Variants in CTNNA3 observed in about 807,000 individuals in gnomAD.
CTNNA3 encodes catenin alpha 3.
In CTNNA3, 76 loss-of-function variants were observed where a neutral mutation model predicts 95.7. The observed-to-expected ratio is 0.79, with a 90% CI of 0.66 to 0.96. The LOEUF (loss-of-function observed/expected upper bound fraction) is 0.96. CTNNA3 is among the 40% of genes least tolerant of loss of function. The pLI, the probability that CTNNA3 is intolerant of heterozygous loss-of-function variation, is 0.00. For synonymous variants in CTNNA3, 431 were observed against 374.4 expected (o/e 1.15, Z -1.74); for missense variants, 1,191 against 1,089.8 (o/e 1.09, Z -1.31).
intron 1 of CTNNA3, among the ~76,000 whole-genome samples, chr10:67,750,050 G>T (rs769117629): frequency 6.6e-6 from 1 of 152,076 alleles, no homozygotes; most frequent in Non-Finnish European, 1.5e-5. Flanking sequence ...AAGGTCCGCG[G>T]GCTCATTTTG....
At chr10:66,983,436 A>T (rs1428032072) in intron 7 of CTNNA3, among the ~76,000 whole-genome samples, 1 of 152,170 alleles carries the variant, frequency 6.6e-6, no homozygotes, top group African/African-American at 2.4e-5. Flanking sequence ...CAGATGGAGC[A>T]AACAAGGAAA....
At chr10:66,913,253 A>AAAG (rs1221744346) in intron 7 of CTNNA3, among the ~76,000 whole-genome samples, 1 of 149,632 alleles carries the variant, frequency 6.7e-6, no homozygotes, top group South Asian at 2.1e-4. Context: ...AAAAAAAAAA[A>AAAG]AAAAAAAAAA....
rs368211074 is a variant in CTNNA3 at position 67,180,329 on chromosome 10, C to T, written c.1035G>A (p.Glu345=). ...ACCAGTCACCTACGTTGTTCATGTA[C>T]TCTGAAAGCAGATCCTGAAGAGCCT... ...IRQALQDLLS[E]YMNNAGKKER... Residue 345 remains glutamate, a synonymous_variant, in exon 7 of 18, where the codon GAG becomes GAA. Coordinates refer to ENST00000433211, the MANE Select transcript of CTNNA3 (RefSeq NM_013266.4). 13 of 1,613,232 alleles carry T rather than the reference C, an allele frequency of 8.1e-6. No homozygotes were observed. The highest frequency in any genetic ancestry group is 1.6e-4 in the Middle Eastern group (1 of 6,076).
chr10:66,657,217 C>G (rs909801188), intron 9 of CTNNA3, among the ~76,000 whole-genome samples: 8 of 152,044 alleles, frequency 5.3e-5, no homozygotes, highest in Non-Finnish European at 1.2e-4. Context: ...TTTGGCTGCC[C>G]AATTTATTGA....
chr10:66,676,370 A>G (rs1846856740), intron 9 of CTNNA3, among the ~76,000 whole-genome samples: 1 of 152,094 alleles, frequency 6.6e-6, no homozygotes. Flanking sequence ...GCCAGGTGTT[A>G]TGCTAGTTAC....
intron 10 of CTNNA3, among the ~76,000 whole-genome samples, chr10:66,579,797 C>G (rs1160103054): frequency 6.6e-6 from 1 of 151,688 alleles, no homozygotes; most frequent in Non-Finnish European, 1.5e-5. Context: ...CACTTCAAAA[C>G]TATTGTAATT....
chr10:67,554,132 G>A (rs1405050299), intron 3 of CTNNA3, among the ~76,000 whole-genome samples: 1 of 152,156 alleles, frequency 6.6e-6, no homozygotes, highest in Non-Finnish European at 1.5e-5. Context: ...GGGTATATGT[G>A]TCACATTTTC....
At chr10:67,018,913 C>A (rs556274103) in intron 7 of CTNNA3, among the ~76,000 whole-genome samples, 1 of 152,132 alleles carries the variant, frequency 6.6e-6, no homozygotes, top group Admixed American at 6.5e-5. Flanking sequence ...GCTAATCTGG[C>A]AAGTGGGTTA....
At chr10:66,242,560 T>C (rs2090153286) in intron 13 of CTNNA3, among the ~76,000 whole-genome samples, 1 of 152,156 alleles carries the variant, frequency 6.6e-6, no homozygotes, top group Non-Finnish European at 1.5e-5. Context: ...ACCAGGAATA[T>C]GCATATTAAA....
At chr10:67,534,057 G>C (rs1840417410) in intron 4 of CTNNA3, among the ~76,000 whole-genome samples, 1 of 150,812 alleles carries the variant, frequency 6.6e-6, no homozygotes, top group Admixed American at 6.6e-5. Flanking sequence ...AGTGTCAGGA[G>C]GGAAAAAAAA....
chr10:66,452,309 G>A (rs2093469768), intron 11 of CTNNA3, among the ~76,000 whole-genome samples: 2 of 152,086 alleles, frequency 1.3e-5, no homozygotes, highest in African/African-American at 4.8e-5. Context: ...ACCTAGTAAT[G>A]ATAATAAATC....
At chr10:67,693,498 C>T (rs1840908777) in intron 1 of CTNNA3, among the ~76,000 whole-genome samples, 1 of 152,166 alleles carries the variant, frequency 6.6e-6, no homozygotes, top group African/African-American at 2.4e-5. Context: ...ATCTTAATCC[C>T]TTCTATTCCA....
At chr10:66,797,102 C>A (rs1372050287) in intron 7 of CTNNA3, among the ~76,000 whole-genome samples, 1 of 151,134 alleles carries the variant, frequency 6.6e-6, no homozygotes, top group African/African-American at 2.4e-5. Context: ...TACTGAAAAG[C>A]AAAGAGAAGT....
At chr10:67,246,820 C>A (rs1209694115) in intron 5 of CTNNA3, among the ~76,000 whole-genome samples, 1 of 152,088 alleles carries the variant, frequency 6.6e-6, no homozygotes, top group Non-Finnish European at 1.5e-5. Context: ...TCTCTTCAAT[C>A]ACACCTCTTT....
intron 13 of CTNNA3, among the ~76,000 whole-genome samples, chr10:66,111,574 A>T (rs1021081561): frequency 2.6e-5 from 4 of 152,238 alleles, no homozygotes; most frequent in Non-Finnish European, 5.9e-5. Flanking sequence ...GGAATCTTGA[A>T]GGAAATAAAA....
chr10:67,160,429 A>G (rs1861484723), intron 7 of CTNNA3, among the ~76,000 whole-genome samples: 1 of 143,528 alleles, frequency 7.0e-6, no homozygotes, highest in Non-Finnish European at 1.5e-5. Flanking sequence ...CATATTCATC[A>G]CATCTTTTTT....
In CTNNA3 at chr10:66,567,296, G is replaced by C. The variant is rs75394574; in HGVS notation, c.1375-46523C>G. Among the ~76,000 whole-genome samples the C allele has an allele frequency of 1.3e-3, 201 of 152,130 alleles. 2 individuals carry two copies. The highest frequency in any genetic ancestry group is 4.7e-3 in the African/African-American group (195 of 41,520). On this transcript the variant is annotated intron_variant, in intron 10 of 17. Transcript: ENST00000433211. ...GTTTCTGTATATTATACATTCTCCA[G>C]AAACTAAGAGCTCCAATAGTCTATC...
intron 5 of CTNNA3, among the ~76,000 whole-genome samples, chr10:67,284,108 A>G (rs186329477): frequency 6.6e-6 from 1 of 151,606 alleles, no homozygotes; most frequent in Non-Finnish European, 1.5e-5. Flanking sequence ...GATCCTAGAG[A>G]GAGGGAGATG....
intron 7 of CTNNA3, among the ~76,000 whole-genome samples, chr10:66,846,315 T>A (rs781539741): frequency 6.6e-6 from 1 of 152,002 alleles, no homozygotes; most frequent in Non-Finnish European, 1.5e-5. Flanking sequence ...ATGGGGGAAA[T>A]AAATGTACAG....
Sources: gnomAD v4.1 joint callset for allele counts (sites outside exome capture counted in the v4.1 genomes callset) on GRCh38, gnomAD v4.1.1 for gene constraint, MANE v1.5 for transcripts, NCBI Gene and HGNC (gene_info 2026-07-23, HGNC 2026-07-21) for gene names.